The following MAGI1 variants were observed in gnomAD, a reference collection of about 807,000 sequenced individuals.
The protein encoded by MAGI1 is membrane-associated guanylate kinase, WW and PDZ domain-containing protein 1.
A neutral mutation model predicts 139.9 loss-of-function variants in MAGI1; 58 were observed. That is an observed-to-expected ratio of 0.41 (90% CI 0.34 to 0.52). MAGI1 has a LOEUF of 0.52. Among genes scored for constraint, MAGI1 ranks in the 20% least tolerant of loss-of-function variants. MAGI1 has a pLI of 0.12. For synonymous variants in MAGI1, 812 were observed against 737.9 expected (o/e 1.10, Z -1.63); for missense variants, 1,874 against 1,901.6 (o/e 0.99, Z 0.27).
intron 2 of MAGI1, among the ~76,000 whole-genome samples, chr3:65,573,783 G>T (rs1484472226): frequency 6.6e-6 from 1 of 152,118 alleles, no homozygotes; most frequent in Non-Finnish European, 1.5e-5. Context: ...AATAGAAAAG[G>T]AAGATGTAAA....
intron 2 of MAGI1, among the ~76,000 whole-genome samples, chr3:65,518,998 A>G (rs2078028186): frequency 6.6e-6 from 1 of 152,108 alleles, no homozygotes; most frequent in African/African-American, 2.4e-5. Context: ...TGCACAGAGG[A>G]CTAAAGGAAA....
chr3:65,393,462 C>T (rs1169265199), intron 13 of MAGI1, among the ~76,000 whole-genome samples: 1 of 152,018 alleles, frequency 6.6e-6, no homozygotes, highest in Admixed American at 6.6e-5. Context: ...TTTTTATAAT[C>T]AAGACAAAAT....
At chr3:65,705,911 G>T (rs1203182395) in intron 1 of MAGI1, among the ~76,000 whole-genome samples, 1 of 152,194 alleles carries the variant, frequency 6.6e-6, no homozygotes, top group East Asian at 1.9e-4. Flanking sequence ...TTCTTATGGT[G>T]AAGATATATT....
intron 1 of MAGI1, among the ~76,000 whole-genome samples, chr3:65,931,641 G>A (rs2062812511): frequency 6.6e-6 from 1 of 152,310 alleles, no homozygotes; most frequent in South Asian, 2.1e-4. Flanking sequence ...TCTAGCCCAG[G>A]TGACAGAGAA....
intron 5 of MAGI1, among the ~76,000 whole-genome samples, chr3:65,457,147 C>T (rs1257336647): frequency 1.3e-5 from 2 of 152,080 alleles, no homozygotes; most frequent in Admixed American, 6.6e-5. Context: ...ACTGACATCT[C>T]TATCAATTCT....
At chr3:65,424,109 G>A (rs1946829160) in intron 12 of MAGI1, among the ~76,000 whole-genome samples, 1 of 152,190 alleles carries the variant, frequency 6.6e-6, no homozygotes, top group Non-Finnish European at 1.5e-5. Context: ...TCTTGGGCAT[G>A]TGTGTGTGCA....
chr3:65,690,545 C>T (rs1488861988), intron 1 of MAGI1, among the ~76,000 whole-genome samples: 1 of 152,044 alleles, frequency 6.6e-6, no homozygotes, highest in Non-Finnish European at 1.5e-5. Context: ...GTCACAATCT[C>T]GATTCACTAC....
chr3:65,901,418 T>C (rs2061229268), intron 1 of MAGI1, among the ~76,000 whole-genome samples: 1 of 152,200 alleles, frequency 6.6e-6, no homozygotes, highest in Admixed American at 6.5e-5. Flanking sequence ...TTTTACAATG[T>C]TTTAGTATCT....
chr3:65,816,962 C>T (rs572133762), intron 1 of MAGI1, among the ~76,000 whole-genome samples: 5 of 152,188 alleles, frequency 3.3e-5, no homozygotes, highest in African/African-American at 4.8e-5. Context: ...TTAATGATAG[C>T]GGAATAATGG....
chr3:65,845,712 CAT>C (rs1248011328), intron 1 of MAGI1, among the ~76,000 whole-genome samples: 2 of 152,192 alleles, frequency 1.3e-5, no homozygotes, highest in African/African-American at 4.8e-5. Context: ...AGTTCACTCC[CAT>C]GTGGCAGCTC....
At chr3:65,587,242 C>T (rs2081727818) in intron 2 of MAGI1, among the ~76,000 whole-genome samples, 1 of 152,138 alleles carries the variant, frequency 6.6e-6, no homozygotes. Context: ...ACCTACTGAA[C>T]ATCATAGCTT....
At chr3:65,381,374 T>C (rs1306296493) in intron 16 of MAGI1, among the ~76,000 whole-genome samples, 1 of 151,458 alleles carries the variant, frequency 6.6e-6, no homozygotes, top group Non-Finnish European at 1.5e-5. Context: ...GAAGAAGGAA[T>C]CAAAGCTGAC....
chr3:65,454,932 G>C (rs181003610), intron 5 of MAGI1, among the ~76,000 whole-genome samples: 10 of 152,182 alleles, frequency 6.6e-5, no homozygotes, highest in Admixed American at 5.9e-4. Flanking sequence ...TTACAAATGA[G>C]AAAACTGATA....
intron 3 of MAGI1, among the ~76,000 whole-genome samples, chr3:65,483,634 T>A (rs760257292): frequency 5.3e-5 from 8 of 152,244 alleles, no homozygotes; most frequent in Admixed American, 6.5e-5. Flanking sequence ...CCACAGGCTC[T>A]GCGTTATCCA....
chr3:66,021,919 T>C (rs746510070), intron 1 of MAGI1, among the ~76,000 whole-genome samples: 4 of 152,158 alleles, frequency 2.6e-5, no homozygotes, highest in Non-Finnish European at 4.4e-5. Context: ...TGTTCAAAGT[T>C]GATGATTTTC....
chr3:65,800,580 G>A (rs1468357382), intron 1 of MAGI1, among the ~76,000 whole-genome samples: 1 of 151,452 alleles, frequency 6.6e-6, no homozygotes, highest in African/African-American at 2.4e-5. Flanking sequence ...CAAACAATCA[G>A]AAATGCATCC....
At chr3:65,422,312 A>G (rs1173709271) in intron 12 of MAGI1, among the ~76,000 whole-genome samples, 1 of 152,162 alleles carries the variant, frequency 6.6e-6, no homozygotes, top group Non-Finnish European at 1.5e-5. Context: ...ACTGACATGA[A>G]GCTCCCACAT....
chr3:65,503,120 AG>A (rs2077149557), intron 2 of MAGI1, among the ~76,000 whole-genome samples: 1 of 152,160 alleles, frequency 6.6e-6, no homozygotes, highest in Non-Finnish European at 1.5e-5. Context: ...AAAGTTGAAA[AG>A]GTAAGATCCT....
chr3:65,827,135 A>G (rs1304970093), intron 1 of MAGI1, among the ~76,000 whole-genome samples: 1 of 152,224 alleles, frequency 6.6e-6, no homozygotes, highest in East Asian at 1.9e-4. Context: ...GTCCCAAGGA[A>G]CCAGGGGCTG....
Sources: gnomAD v4.1 joint callset for allele counts (sites outside exome capture counted in the v4.1 genomes callset) on GRCh38, gnomAD v4.1.1 for gene constraint, MANE v1.5 for transcripts, NCBI Gene and HGNC (gene_info 2026-07-23, HGNC 2026-07-21) for gene names.